Variants in R3HDM2 observed in about 807,000 individuals in gnomAD.
The protein encoded by R3HDM2 is R3H domain-containing protein 2.
Under a neutral mutation model 124.5 loss-of-function variants are expected in R3HDM2, and 38 were observed. The observed-to-expected ratio is 0.31, with a 90% confidence interval of 0.24 to 0.40. R3HDM2 has a LOEUF of 0.40. Ranked by LOEUF, R3HDM2 falls within the 10% of genes least tolerant of loss-of-function variation. The pLI, the probability that R3HDM2 is intolerant of heterozygous loss-of-function variation, is 1.00. For missense variants in R3HDM2, 869 were observed against 1,236.9 expected, an observed-to-expected ratio of 0.70 and a Z score of 4.46; for synonymous variants, 391 against 448.0, an observed-to-expected ratio of 0.87 and a Z score of 1.61.
intron 4 of R3HDM2, among the ~76,000 whole-genome samples, chr12:57,302,258 G>A (rs940519999): frequency 2.6e-5 from 4 of 151,906 alleles, no homozygotes; most frequent in African/African-American, 7.3e-5. Context: ...TCCGGCTACA[G>A]AGTAAGACTC....
At chr12:57,319,920 T>C (rs2056027790) in intron 2 of R3HDM2, among the ~76,000 whole-genome samples, 3 of 152,056 alleles carry the variant, frequency 2.0e-5, no homozygotes, top group Non-Finnish European at 4.4e-5. Flanking sequence ...TAAAGATTCC[T>C]GGAAACAATT....
intron 2 of R3HDM2, among the ~76,000 whole-genome samples, chr12:57,333,369 G>A (rs772476669): frequency 1.2e-4 from 19 of 152,240 alleles, no homozygotes; most frequent in Admixed American, 4.6e-4. Flanking sequence ...AATTTCCGAT[G>A]CAGATTTAAA....
chr12:57,271,689 A>C (rs2043620213), intron 14 of R3HDM2, among the ~76,000 whole-genome samples: 2 of 152,200 alleles, frequency 1.3e-5, no homozygotes, highest in African/African-American at 4.8e-5. Flanking sequence ...GTTAAGACAG[A>C]GCAAAACAAT....
At chr12:57,395,503 CA>C (rs1429604857) in intron 2 of R3HDM2, among the ~76,000 whole-genome samples, 54 of 140,046 alleles carry the variant, frequency 3.9e-4, no homozygotes, top group East Asian at 4.5e-4. Flanking sequence ...AACTTCATCT[CA>C]AAAAAAAAAA....
chr12:57,430,122 C>A, intron 1 of R3HDM2, among the ~76,000 whole-genome samples: 1 of 152,278 alleles, frequency 6.6e-6, no homozygotes, highest in East Asian at 1.9e-4. Context: ...ACAATTCACT[C>A]TAAGTCAGTA....
intron 2 of R3HDM2, among the ~76,000 whole-genome samples, chr12:57,342,244 C>G (rs2059637678): frequency 6.6e-6 from 1 of 152,150 alleles, no homozygotes; most frequent in Admixed American, 6.6e-5. Flanking sequence ...ATCTGTTCTG[C>G]CGGAATTTTG....
intron 2 of R3HDM2, among the ~76,000 whole-genome samples, chr12:57,335,336 T>C (rs1393300294): frequency 6.6e-6 from 1 of 151,668 alleles, no homozygotes; most frequent in Non-Finnish European, 1.5e-5. Context: ...GCCTCCCAAG[T>C]AGCTGGGACT....
At chr12:57,420,061 C>T (rs2070037791) in intron 1 of R3HDM2, among the ~76,000 whole-genome samples, 1 of 152,088 alleles carries the variant, frequency 6.6e-6, no homozygotes, top group African/African-American at 2.4e-5. Context: ...ACATTTCTCC[C>T]CACCCCTTTC....
intron 3 of R3HDM2, chr12:57,305,527 T>C (rs1566060894): frequency 2.5e-6 from 1 of 396,240 alleles, no homozygotes; most frequent in African/African-American, 2.1e-5. Context: ...TATGAATGAA[T>C]CTGCTTATTT....
At chr12:57,367,547 C>G (rs1416240907) in intron 2 of R3HDM2, among the ~76,000 whole-genome samples, 1 of 152,188 alleles carries the variant, frequency 6.6e-6, no homozygotes, top group Non-Finnish European at 1.5e-5. Context: ...TCTGTCTCCT[C>G]AATTCAAGAT....
intron 2 of R3HDM2, among the ~76,000 whole-genome samples, chr12:57,336,921 T>C (rs2058926787): frequency 6.6e-6 from 1 of 152,132 alleles, no homozygotes; most frequent in Non-Finnish European, 1.5e-5. Context: ...GCTTTACTTA[T>C]AAGTAGATTC....
intron 2 of R3HDM2, among the ~76,000 whole-genome samples, chr12:57,329,887 G>A (rs1259814189): frequency 1.3e-5 from 2 of 151,944 alleles, no homozygotes; most frequent in Non-Finnish European, 2.9e-5. Context: ...AGTCTCTCAC[G>A]TCCTTGGTTA....
chr12:57,330,501 G>A (rs1398888995), intron 2 of R3HDM2, among the ~76,000 whole-genome samples: 4 of 149,456 alleles, frequency 2.7e-5, no homozygotes, highest in African/African-American at 9.9e-5. Context: ...GCACCACCAC[G>A]CCCAGCTAAT....
chr12:57,338,118 A>G (rs2059104394), intron 2 of R3HDM2, among the ~76,000 whole-genome samples: 1 of 152,216 alleles, frequency 6.6e-6, no homozygotes, highest in Non-Finnish European at 1.5e-5. Flanking sequence ...AGCCTGACCA[A>G]CATGGAGAAA....
Position 57,345,538 on chromosome 12 carries a change from CACACACAT to C in R3HDM2, c.-35-35083_-35-35076del, listed in dbSNP as rs1056017848. Among the ~76,000 whole-genome samples the C allele has an allele frequency of 1.6e-4, 18 of 109,364 alleles. No individual in the cohort carries two copies. The South Asian group carries it at 2.2e-3, about 14-fold the overall frequency. The allele number at this position is 109,364 out of a possible 152,430, so 71.7% of individuals were successfully genotyped here. ...ACACACACACACACACACACACACACACACACATATATTAAGAGACAGGTCTTGCTTTA... is the reference window on the plus strand; with the variant it reads ...ACACACACACACACACACACACACACATATTAAGAGACAGGTCTTGCTTTA... On this transcript the variant is annotated intron_variant, in intron 2 of 23. Coordinates refer to ENST00000402412, the MANE Select transcript of R3HDM2 (RefSeq NM_001394031.1).
chr12:57,299,990 C>A, intron 5 of R3HDM2, 105 bp downstream of exon 5: 2 of 888,706 alleles, frequency 2.3e-6, no homozygotes, highest in Non-Finnish European at 3.6e-6. Context: ...TCTGAAGTAC[C>A]TTCTACCCTG....
chr12:57,374,111 G>C (rs2063727448), intron 2 of R3HDM2, among the ~76,000 whole-genome samples: 1 of 151,994 alleles, frequency 6.6e-6, no homozygotes, highest in African/African-American at 2.4e-5. Context: ...CTGGGTGCCA[G>C]AGCAAGACTC....
At chr12:57,338,534 C>T (rs1012422781) in intron 2 of R3HDM2, among the ~76,000 whole-genome samples, 10 of 152,032 alleles carry the variant, frequency 6.6e-5, no homozygotes, top group South Asian at 2.1e-4. Flanking sequence ...GGACTACAGG[C>T]GTGAGCCACC....
At chr12:57,289,061 G>A (rs938149819) in intron 11 of R3HDM2, 21 bp from the exon 12 acceptor site, 8 of 1,537,452 alleles carry the variant, frequency 5.2e-6, no homozygotes, top group Non-Finnish European at 7.1e-6. Flanking sequence ...GGGAGAAAAC[G>A]GAAAATAACT....
Sources: allele counts gnomAD v4.1 joint callset (sites outside exome capture counted in the v4.1 genomes callset), GRCh38; gene constraint gnomAD v4.1.1; transcripts MANE v1.5; gene names NCBI Gene and HGNC (gene_info 2026-07-23, HGNC 2026-07-21).